The following SPG11 variants were observed in gnomAD, a reference collection of about 807,000 sequenced individuals.
SPG11 encodes SPG11 vesicle trafficking associated, spatacsin.
A neutral mutation model predicts 274.0 loss-of-function variants in SPG11; 222 were observed. The observed-to-expected ratio is 0.81, with a 90% CI of 0.73 to 0.91. SPG11 has a LOEUF of 0.91. SPG11 is among the 40% of genes least tolerant of loss of function. The pLI is 0.00. For missense variants in SPG11, 3,114 were observed against 2,872.7 expected, an observed-to-expected ratio of 1.08 and a Z score of -1.92; for synonymous variants, 1,144 against 1,039.7, an observed-to-expected ratio of 1.10 and a Z score of -1.93.
chr15:44,580,526 C>A (rs887012422), intron 30 of SPG11, among the ~76,000 whole-genome samples: 32 of 152,254 alleles, frequency 2.1e-4, no homozygotes, highest in African/African-American at 7.5e-4. Flanking sequence ...CGCCTGTAAT[C>A]CCAGCACTTT....
At chr15:44,606,553 G>A (rs1450579817) in intron 19 of SPG11, among the ~76,000 whole-genome samples, 1 of 152,140 alleles carries the variant, frequency 6.6e-6, no homozygotes, top group East Asian at 1.9e-4. Flanking sequence ...GCAACAACAT[G>A]AACAACAAAG....
chr15:44,564,831 C>T (rs2082277315), intron 38 of SPG11, 133 bp from the exon 39 acceptor site: 9 of 1,003,242 alleles, frequency 9.0e-6, no homozygotes, highest in Non-Finnish European at 1.4e-5. Flanking sequence ...TGTTAAAAGG[C>T]TCTATGTATC....
intron 7 of SPG11, among the ~76,000 whole-genome samples, chr15:44,638,360 T>TG (rs1025399677): frequency 6.6e-6 from 1 of 152,068 alleles, no homozygotes; most frequent in African/African-American, 2.4e-5. Context: ...CTCAAGAGGC[T>TG]GGGGCACAAG....
intron 7 of SPG11, among the ~76,000 whole-genome samples, chr15:44,634,626 G>T (rs760207369): frequency 6.6e-6 from 1 of 151,494 alleles, no homozygotes. Context: ...TTGCTCTGTC[G>T]CCCAGGCTGG....
chr15:44,577,830 G>T (rs2082572374), intron 30 of SPG11, among the ~76,000 whole-genome samples: 1 of 152,100 alleles, frequency 6.6e-6, no homozygotes, highest in Non-Finnish European at 1.5e-5. Flanking sequence ...TAAGGGCTGA[G>T]GTGAAGTGTG....
rs903481540 is a variant in SPG11, at chr15:44,584,526, A to G, written c.5154T>C (p.Ile1718=). Residue 1718 remains isoleucine, a synonymous_variant, in exon 30 of 40, where the codon ATT becomes ATC. Transcript: ENST00000261866. ...TTGCTTGTTTTAGTGACCACTGTTC[A>G]ATGTGTTTTAGGGTCTGCATTTCCT... ...ITQEMQTLKH[I]EQWSLKQARI... is the part of the protein sequence containing the mutation. 6.2e-7 allele frequency: 1 copy of G among 1,612,658 alleles called. No individual in the cohort carries two copies. Among genetic ancestry groups the G allele is most frequent in the Non-Finnish European group, 8.5e-7 (1 of 1,180,016 alleles).
intron 2 of SPG11, among the ~76,000 whole-genome samples, chr15:44,660,191 CA>C (rs1211817858): frequency 6.6e-6 from 1 of 152,040 alleles, no homozygotes; most frequent in African/African-American, 2.4e-5. Flanking sequence ...TAATTAAATA[CA>C]AAAAATTGAG....
chr15:44,584,402 A>T lies in SPG11; in HGVS notation c.5278T>A (p.Cys1760Ser). The T allele has an allele frequency of 6.2e-7, 1 of 1,614,114 alleles. No homozygotes were observed. The highest frequency in any genetic ancestry group is 8.5e-7 in the Non-Finnish European group (1 of 1,179,978). ...CTGCTCCATCCAGTTGGGTGCTCAC[A>T]TGCCACATGGGCCTGGGTTGAGAAA... ...SFFSTQAHVACEHPTGWSSME... is the reference protein window; with the variant it reads ...SFFSTQAHVASEHPTGWSSME... The change falls in exon 30 of 40, where the codon TGT (cysteine) becomes AGT (serine). Residue 1760 changes from cysteine (C) to serine (S), a missense_variant. Cys to Ser is a moderately radical substitution (Grantham distance 112, BLOSUM62 -1). Transcript: ENST00000261866.
intron 22 of SPG11, 97 bp downstream of exon 22, chr15:44,598,534 G>A: frequency 7.3e-7 from 1 of 1,365,190 alleles, no homozygotes; most frequent in Non-Finnish European, 1.0e-6. Context: ...ATAAAACCAA[G>A]AAGATAACCA....
intron 7 of SPG11, among the ~76,000 whole-genome samples, chr15:44,638,784 T>C (rs1327214503): frequency 3.3e-5 from 5 of 152,034 alleles, no homozygotes; most frequent in Non-Finnish European, 4.4e-5. Flanking sequence ...TCACCTAAAG[T>C]TTGGAGTTCA....
intron 20 of SPG11, 30 bp from the exon 21 acceptor site, chr15:44,600,662 T>C (rs1486899775): frequency 6.2e-7 from 1 of 1,603,188 alleles, no homozygotes; most frequent in Non-Finnish European, 8.5e-7. Flanking sequence ...ATATTAATTA[T>C]CTGTATATCA....
intron 7 of SPG11, 76 bp downstream of exon 7, chr15:44,648,790 T>G (rs2084677476): frequency 1.3e-6 from 2 of 1,504,774 alleles, no homozygotes; most frequent in Non-Finnish European, 1.8e-6. Flanking sequence ...AAATGAATTC[T>G]CTCAAATCCT....
intron 21 of SPG11, among the ~76,000 whole-genome samples, chr15:44,599,320 A>T (rs2083124665): frequency 6.6e-6 from 1 of 152,070 alleles, no homozygotes; most frequent in South Asian, 2.1e-4. Flanking sequence ...TTTTTTTGAG[A>T]TGGAGTCTCG....
chr15:44,661,002 T>C (rs907780511), intron 1 of SPG11, among the ~76,000 whole-genome samples: 2 of 152,168 alleles, frequency 1.3e-5, no homozygotes, highest in Non-Finnish European at 1.5e-5. Flanking sequence ...AGGCTTTTGA[T>C]AACTTAAATG....
In SPG11 at chr15:44,573,552, C is replaced by T. The variant is rs1339436003; in HGVS notation, c.6200G>A (p.Gly2067Glu). 6.2e-7 allele frequency: 1 copy of T among 1,614,144 alleles called. No homozygotes were observed. The highest frequency in any genetic ancestry group is 8.5e-7 in the Non-Finnish European group (1 of 1,180,034). ...VTRELLTSSQGTGHKQMFNPT... is the reference protein window; with the variant it reads ...VTRELLTSSQETGHKQMFNPT... The stretch of plus-strand genomic sequence containing the variant: ...ATCCCCGGGGGGTAGGGCACCTGTT[C>T]CCTGTGATGAAGTAAGCAGCTCCCG... The change falls in exon 32 of 40, where the codon GGA (glycine) becomes GAA (glutamate). Residue 2067 changes from glycine (G) to glutamate (E), a missense_variant. Coordinates refer to ENST00000261866, the MANE Select transcript of SPG11 (RefSeq NM_025137.4).
chr15:44,588,059 C>T (rs1006929741), intron 28 of SPG11, among the ~76,000 whole-genome samples: 1 of 152,144 alleles, frequency 6.6e-6, no homozygotes, highest in African/African-American at 2.4e-5. Flanking sequence ...TGGCTCTGAG[C>T]TCAGGATTCT....
intron 15 of SPG11, among the ~76,000 whole-genome samples, 197 bp from the exon 16 acceptor site, chr15:44,615,763 A>C (rs2083578789): frequency 6.6e-6 from 1 of 152,206 alleles, no homozygotes; most frequent in Non-Finnish European, 1.5e-5. Context: ...TAGTATTTAA[A>C]GGTAGCAACG....
chr15:44,599,618 A>G (rs2083132605), intron 21 of SPG11, among the ~76,000 whole-genome samples: 1 of 152,068 alleles, frequency 6.6e-6, no homozygotes, highest in African/African-American at 2.4e-5. Context: ...ATTATTAACC[A>G]TGTTTTTACC....
At chr15:44,566,403 G>A in intron 36 of SPG11, 98 bp from the exon 37 acceptor site, 1 of 1,231,948 alleles carries the variant, frequency 8.1e-7, no homozygotes, top group Non-Finnish European at 1.2e-6. Flanking sequence ...AAACATCCCA[G>A]CCATGTTCAC....
Sources: gnomAD v4.1 joint callset for allele counts (sites outside exome capture counted in the v4.1 genomes callset) on GRCh38, gnomAD v4.1.1 for gene constraint, MANE v1.5 for transcripts, NCBI Gene and HGNC (gene_info 2026-07-23, HGNC 2026-07-21) for gene names.